Variants in RAD54L2 observed in about 807,000 individuals in gnomAD.
The protein encoded by RAD54L2 is RAD54 like 2.
In RAD54L2, 27 loss-of-function variants were observed where a neutral mutation model predicts 138.4. That is an observed-to-expected ratio of 0.20 (90% CI 0.14 to 0.27). The LOEUF is 0.27. Among genes scored for constraint, RAD54L2 ranks in the 10% least tolerant of loss-of-function variants. The pLI is 1.00. For synonymous variants in RAD54L2, 644 were observed against 723.2 expected (o/e 0.89, Z 1.76); for missense variants, 1,396 against 1,890.2 (o/e 0.74, Z 4.85).
intron 2 of RAD54L2, among the ~76,000 whole-genome samples, chr3:51,571,388 CTTTT>C (rs568383202): frequency 8.6e-6 from 1 of 115,840 alleles, no homozygotes; most frequent in African/African-American, 3.2e-5. Flanking sequence ...GGAATACCTG[CTTTT>C]TTTTTTTTTT....
At chr3:51,658,100 CTTTTTTT>C (rs573919111) in intron 21 of RAD54L2, among the ~76,000 whole-genome samples, 75 of 141,126 alleles carry the variant, frequency 5.3e-4, no homozygotes, top group African/African-American at 1.8e-3. Context: ...GATTTTTGTA[CTTTTTTT>C]TTTTTTAGTA....
In RAD54L2 at chr3:51,590,430, G is replaced by A. The variant is rs1366048678; in HGVS notation, c.10G>A (p.Glu4Lys). 5 of 1,540,402 alleles carry A rather than the reference G, an allele frequency of 3.2e-6. No individual in the cohort carries two copies. Among genetic ancestry groups the A allele is most frequent in the Non-Finnish European group, 4.4e-6 (5 of 1,139,754 alleles). Reference sequence around the variant, plus strand: ...AGGACCTCTGGGAGCCATGTCAGACGAATCTGCCTCAGGGAGCGATCCAGA... The same window carrying A: ...AGGACCTCTGGGAGCCATGTCAGACAAATCTGCCTCAGGGAGCGATCCAGA... Reference protein sequence around the residue: MSDESASGSDPDLD... With the variant: MSDKSASGSDPDLD... Residue 4 changes from glutamate to lysine, a missense_variant, in exon 3 of 23, where the codon GAA becomes AAA. Coordinates refer to ENST00000684192, the MANE Select transcript of RAD54L2 (RefSeq NM_015106.4).
chr3:51,654,434 TCCCAG>T (rs1397568852), intron 19 of RAD54L2, among the ~76,000 whole-genome samples: 4 of 152,156 alleles, frequency 2.6e-5, no homozygotes, highest in Admixed American at 6.5e-5. Flanking sequence ...ATACCTGTAG[TCCCAG>T]CCTCTTGGGA....
At chr3:51,564,530 T>A (rs955156642) in intron 2 of RAD54L2, among the ~76,000 whole-genome samples, 3 of 152,222 alleles carry the variant, frequency 2.0e-5, no homozygotes, top group Non-Finnish European at 2.9e-5. Flanking sequence ...GTCTGCCCTT[T>A]CCTTTAGCCT....
At chr3:51,580,040 A>G (rs1699571557) in intron 2 of RAD54L2, among the ~76,000 whole-genome samples, 1 of 152,076 alleles carries the variant, frequency 6.6e-6, no homozygotes, top group African/African-American at 2.4e-5. Flanking sequence ...TTCAATTCTG[A>G]CACTGCCGGG....
At chr3:51,605,496 A>G (rs1474522637) in intron 3 of RAD54L2, among the ~76,000 whole-genome samples, 1 of 112,198 alleles carries the variant, frequency 8.9e-6, no homozygotes, top group Non-Finnish European at 1.7e-5. Context: ...CTTGTTGCCC[A>G]GGCTGGTATG....
At chr3:51,561,922 G>A (rs764530510) in intron 2 of RAD54L2, among the ~76,000 whole-genome samples, 1 of 151,856 alleles carries the variant, frequency 6.6e-6, no homozygotes, top group Non-Finnish European at 1.5e-5. Context: ...AGGCTGGAGT[G>A]CAGTGGCGCA....
Position 51,656,091 on chromosome 3 carries a change from C to T in RAD54L2, c.3147C>T (p.Ser1049=), listed in dbSNP as rs1701592742. The change falls in exon 20 of 23, where the codon AGC becomes AGT. Residue 1049 remains serine (S), a synonymous_variant. Coordinates refer to ENST00000684192, the MANE Select transcript of RAD54L2 (RefSeq NM_015106.4). ...PLGGSVSSAS[S]TNPSMNFPIN... ...GAGGAAGTGTAAGCTCTGCCTCCAG[C>T]ACAAATCCATCCATGAACTTTCCCA... is the stretch of plus-strand genomic sequence containing the variant. 1.2e-6 allele frequency: 2 copies of T among 1,613,922 alleles called. No individual in the cohort carries two copies. Among genetic ancestry groups the T allele is most frequent in the South Asian group, 2.2e-5 (2 of 91,088 alleles).
intron 2 of RAD54L2, among the ~76,000 whole-genome samples, chr3:51,588,078 T>C (rs1018111303): frequency 2.8e-5 from 4 of 145,400 alleles, no homozygotes; most frequent in Non-Finnish European, 5.9e-5. Flanking sequence ...CCCAGCTACT[T>C]GGGAGGCTGA....
rs766992758 is a variant in RAD54L2, at chr3:51,663,371, A to G, written c.4355A>G (p.Asn1452Ser). 2.1e-5 allele frequency: 34 copies of G among 1,613,694 alleles called. No homozygotes were observed. The highest frequency in any genetic ancestry group is 3.3e-5 in the Admixed American group (2 of 59,986). Residue 1452 changes from asparagine (N) to serine (S), a missense_variant, in exon 23 of 23, where the codon AAT (asparagine) becomes AGT (serine). By Grantham distance (46) the Asn-to-Ser change is conservative. Coordinates refer to ENST00000684192, the MANE Select transcript of RAD54L2 (RefSeq NM_015106.4). ...HEVAEVGFSS[N>S]DDEDKDDDVI... is the part of the protein sequence containing the mutation. Reference sequence around the variant, plus strand: ...GTTGCCGAGGTTGGGTTCAGCTCCAATGATGATGAGGATAAAGACGATGAT... The same window carrying G: ...GTTGCCGAGGTTGGGTTCAGCTCCAGTGATGATGAGGATAAAGACGATGAT...
chr3:51,547,819 C>T (rs1336413457), intron 2 of RAD54L2, among the ~76,000 whole-genome samples: 2 of 151,998 alleles, frequency 1.3e-5, no homozygotes, highest in East Asian at 1.9e-4. Context: ...TGAGCTCAAG[C>T]GATTCACCCG....
At chr3:51,547,352 G>A (rs1172666317) in intron 2 of RAD54L2, among the ~76,000 whole-genome samples, 2 of 151,622 alleles carry the variant, frequency 1.3e-5, no homozygotes, top group African/African-American at 4.9e-5. Context: ...CTCCAGCCTG[G>A]GCGACAGAGT....
chr3:51,564,666 C>G (rs1699172587), intron 2 of RAD54L2, among the ~76,000 whole-genome samples: 1 of 152,210 alleles, frequency 6.6e-6, no homozygotes, highest in South Asian at 2.1e-4. Flanking sequence ...CCTGTAATCC[C>G]AGCACTTTGG....
chr3:51,556,782 G>A (rs2108698234), intron 2 of RAD54L2, among the ~76,000 whole-genome samples: 1 of 151,452 alleles, frequency 6.6e-6, no homozygotes, highest in East Asian at 2.0e-4. Context: ...CTCCATTTTG[G>A]TCAGGCTGTT....
At chr3:51,636,036 C>T (rs1282751231) in intron 10 of RAD54L2, among the ~76,000 whole-genome samples, 5 of 152,240 alleles carry the variant, frequency 3.3e-5, no homozygotes, top group African/African-American at 7.2e-5. Flanking sequence ...TTCCTCTGTT[C>T]GTCTATCCCT....
chr3:51,563,075 C>T (rs1193827879), intron 2 of RAD54L2, among the ~76,000 whole-genome samples: 1 of 152,092 alleles, frequency 6.6e-6, no homozygotes, highest in Non-Finnish European at 1.5e-5. Flanking sequence ...CCTTTCCTGA[C>T]CTGTCGTGTG....
At chr3:51,607,979 C>A (rs1453777752) in intron 3 of RAD54L2, among the ~76,000 whole-genome samples, 3 of 150,560 alleles carry the variant, frequency 2.0e-5, no homozygotes, top group Non-Finnish European at 3.0e-5. Context: ...GGCTGCCCCC[C>A]ACCTCCCGGG....
At chr3:51,559,876 A>G (rs1699059063) in intron 2 of RAD54L2, among the ~76,000 whole-genome samples, 1 of 152,206 alleles carries the variant, frequency 6.6e-6, no homozygotes, top group African/African-American at 2.4e-5. Flanking sequence ...GGAGCTTCCA[A>G]ATGGGCTACA....
At chr3:51,647,274 C>G (rs1701303878) in intron 19 of RAD54L2, among the ~76,000 whole-genome samples, 1 of 152,184 alleles carries the variant, frequency 6.6e-6, no homozygotes, top group Non-Finnish European at 1.5e-5. Context: ...GCGATCACAG[C>G]TTCCTGCAGC....
Sources: allele counts gnomAD v4.1 joint callset (sites outside exome capture counted in the v4.1 genomes callset), GRCh38; gene constraint gnomAD v4.1.1; transcripts MANE v1.5; gene names NCBI Gene and HGNC (gene_info 2026-07-23, HGNC 2026-07-21).